EXOC4: variants seen among roughly 807,000 people sequenced by gnomAD.
EXOC4 encodes the protein exocyst complex component 4.
Under a neutral mutation model 107.2 loss-of-function variants are expected in EXOC4, and 71 were observed. That is an observed-to-expected ratio of 0.66 (90% CI 0.55 to 0.81). The LOEUF is 0.81. EXOC4 is among the 30% of genes least tolerant of loss of function. The pLI is 0.00. For synonymous variants in EXOC4, 456 were observed against 441.2 expected (o/e 1.03, Z -0.42); for missense variants, 1,108 against 1,189.6 (o/e 0.93, Z 1.01).
chr7:133,662,563 A>G (rs1793716927), intron 10 of EXOC4, among the ~76,000 whole-genome samples: 1 of 152,104 alleles, frequency 6.6e-6, no homozygotes, highest in Admixed American at 6.6e-5. Context: ...CCTATCACGT[A>G]TGGCTAGTTT....
chr7:133,474,513 A>T (rs545045234), intron 7 of EXOC4, among the ~76,000 whole-genome samples: 66 of 149,734 alleles, frequency 4.4e-4, no homozygotes, highest in Non-Finnish European at 7.7e-4. Context: ...AGCTTTCACT[A>T]TGTTGGTCAG....
At chr7:133,253,266 G>A in intron 1 of EXOC4, 79 bp downstream of exon 1, 1 of 1,542,800 alleles carries the variant, frequency 6.5e-7, no homozygotes, top group Non-Finnish European at 8.8e-7. Context: ...AGGGTTAGCT[G>A]GGTCCCACCC....
intron 10 of EXOC4, among the ~76,000 whole-genome samples, chr7:133,792,991 G>T (rs1353898488): frequency 6.6e-6 from 1 of 152,108 alleles, no homozygotes; most frequent in Non-Finnish European, 1.5e-5. Flanking sequence ...CCCTAGTGAG[G>T]AAAGGAAGAT....
chr7:133,992,635 A>T (rs1044847891), intron 14 of EXOC4, among the ~76,000 whole-genome samples: 1 of 151,686 alleles, frequency 6.6e-6, no homozygotes, highest in Admixed American at 6.6e-5. Context: ...TTCATTTACC[A>T]GTCCTAAGAG....
intron 10 of EXOC4, among the ~76,000 whole-genome samples, chr7:133,783,635 G>A (rs901594781): frequency 6.6e-6 from 1 of 152,206 alleles, no homozygotes; most frequent in African/African-American, 2.4e-5. Context: ...TGTGTGGAGA[G>A]TTAGTGTATG....
chr7:133,959,343 A>T (rs552052040), intron 14 of EXOC4, among the ~76,000 whole-genome samples: 13 of 152,266 alleles, frequency 8.5e-5, no homozygotes, highest in Admixed American at 8.5e-4. Context: ...AGAGTAGTAT[A>T]GTATATGAAA....
intron 7 of EXOC4, among the ~76,000 whole-genome samples, chr7:133,385,205 G>A (rs1192806027): frequency 6.6e-6 from 1 of 152,214 alleles, no homozygotes; most frequent in Non-Finnish European, 1.5e-5. Flanking sequence ...CACGTCTACT[G>A]TGTTCTTTTG....
intron 11 of EXOC4, among the ~76,000 whole-genome samples, chr7:133,860,925 T>C (rs1458045539): frequency 6.6e-6 from 1 of 152,194 alleles, no homozygotes; most frequent in Non-Finnish European, 1.5e-5. Context: ...ACACAGCTGC[T>C]TCCTTTCCCC....
At chr7:133,691,164 A>G (rs558273056) in intron 10 of EXOC4, among the ~76,000 whole-genome samples, 3 of 152,332 alleles carry the variant, frequency 2.0e-5, no homozygotes, top group African/African-American at 7.2e-5. Context: ...GTTTTTACAG[A>G]TGCAATTAAG....
chr7:133,802,295 C>A (rs1796963298), intron 10 of EXOC4, among the ~76,000 whole-genome samples: 1 of 152,198 alleles, frequency 6.6e-6, no homozygotes, highest in South Asian at 2.1e-4. Context: ...GCCCCCAAAG[C>A]AGAATGAGGT....
chr7:133,709,293 C>T (rs1794833673), intron 10 of EXOC4, among the ~76,000 whole-genome samples: 1 of 152,138 alleles, frequency 6.6e-6, no homozygotes, highest in Admixed American at 6.5e-5. Flanking sequence ...GAGATGACAT[C>T]AAGGAGGAAG....
At chr7:133,696,959 A>G (rs935596795) in intron 10 of EXOC4, among the ~76,000 whole-genome samples, 1 of 152,222 alleles carries the variant, frequency 6.6e-6, no homozygotes, top group Non-Finnish European at 1.5e-5. Context: ...TTTTTTGAGC[A>G]CAGACTTTGT....
At chr7:133,915,394 G>T in intron 12 of EXOC4, among the ~76,000 whole-genome samples, 1 of 152,200 alleles carries the variant, frequency 6.6e-6, no homozygotes, top group Non-Finnish European at 1.5e-5. Context: ...AATTAATGAG[G>T]ATGAAGCAGA....
chr7:133,480,563 G>A, intron 9 of EXOC4: 1 of 498,066 alleles, frequency 2.0e-6, no homozygotes, highest in Non-Finnish European at 2.8e-6. Context: ...AAGGGAAAAA[G>A]ATGCCTCTAA....
rs539058170 is a variant in EXOC4, at chr7:133,327,354, C to T, written c.763+9964C>T. Reference sequence around the variant, plus strand: ...TTCTTGTTCGGCTATCTTGGAACCACCCCTATTTTGTTAAACTTTTCCAAA... The same window carrying T: ...TTCTTGTTCGGCTATCTTGGAACCATCCCTATTTTGTTAAACTTTTCCAAA... On this transcript the variant is annotated intron_variant, in intron 5 of 17. Coordinates refer to ENST00000253861, the MANE Select transcript of EXOC4 (RefSeq NM_021807.4). 2.6e-5 allele frequency among the ~76,000 whole-genome samples: 4 copies of T among 152,244 alleles called. No homozygotes were observed. The East Asian group carries it at 7.7e-4, about 29-fold the overall frequency.
rs747965793 is a variant in EXOC4 at position 133,493,952 on chromosome 7, A to T, written c.1417+13814A>T. On this transcript the variant is annotated intron_variant, in intron 9 of 17. Coordinates refer to ENST00000253861, the MANE Select transcript of EXOC4 (RefSeq NM_021807.4). ...GCACGAACTCTAAATTTTACTACAC[A>T]AATAATTTAGGACGGTTGGAATATG... Among the ~76,000 whole-genome samples, 22 of 152,190 alleles carry T rather than the reference A, an allele frequency of 1.4e-4. 1 individual carries two copies. Among genetic ancestry groups the T allele is most frequent in the Non-Finnish European group, 2.6e-4 (18 of 68,034 alleles).
intron 10 of EXOC4, among the ~76,000 whole-genome samples, chr7:133,807,175 T>C (rs1006612324): frequency 3.3e-5 from 5 of 152,180 alleles, no homozygotes; most frequent in African/African-American, 1.2e-4. Context: ...CCCCCAGGGA[T>C]ACTGAAAGAT....
chr7:133,985,615 C>G (rs754303429), intron 14 of EXOC4, among the ~76,000 whole-genome samples: 19 of 152,174 alleles, frequency 1.2e-4, no homozygotes, highest in African/African-American at 2.4e-4. Flanking sequence ...TCGTAAGACT[C>G]TTAACCTTCT....
chr7:133,555,816 G>C (rs1800680070), intron 9 of EXOC4, among the ~76,000 whole-genome samples: 1 of 152,138 alleles, frequency 6.6e-6, no homozygotes. Context: ...AGGTAGTTCT[G>C]CTTTTGTGAG....
Sources: gnomAD v4.1 joint callset for allele counts (sites outside exome capture counted in the v4.1 genomes callset) on GRCh38, gnomAD v4.1.1 for gene constraint, MANE v1.5 for transcripts, NCBI Gene and HGNC (gene_info 2026-07-23, HGNC 2026-07-21) for gene names.